PACS1: variants seen among roughly 807,000 people sequenced by gnomAD.
PACS1 encodes phosphofurin acidic cluster sorting protein 1, also known as PACS-1.
Under a neutral mutation model 115.0 loss-of-function variants are expected in PACS1, and 24 were observed. The ratio of observed to expected loss-of-function variants is 0.21; its 90% CI spans 0.15 to 0.29. The LOEUF is 0.29. Among genes scored for constraint, PACS1 ranks in the 10% least tolerant of loss-of-function variants. PACS1 has a pLI of 1.00. For synonymous variants in PACS1, 453 were observed against 504.5 expected, an observed-to-expected ratio of 0.90 and a Z score of 1.37; for missense variants, 838 against 1,251.2, an observed-to-expected ratio of 0.67 and a Z score of 4.98.
Position 66,242,899 on chromosome 11 carries a change from G to T in PACS1, c.2657-13G>T. The T allele has an allele frequency of 6.2e-7, 1 of 1,613,954 alleles. No homozygotes were observed. The highest frequency in any genetic ancestry group is 8.5e-7 in the Non-Finnish European group (1 of 1,179,914). ...CAGGGGCTGGGACACAGGTGGCCTT[G>T]CTTGCTTTCCAGTTCCCACCATCTT... is the stretch of plus-strand genomic sequence containing the variant. On this transcript the variant is annotated splice_polypyrimidine_tract_variant and intron_variant, in intron 22 of 23. Coordinates refer to ENST00000320580, the MANE Select transcript of PACS1 (RefSeq NM_018026.4).
intron 1 of PACS1, among the ~76,000 whole-genome samples, chr11:66,163,936 G>A (rs942790761): frequency 2.6e-5 from 4 of 152,252 alleles, no homozygotes; most frequent in African/African-American, 9.6e-5. Flanking sequence ...TTTAAAAAAT[G>A]TTAATTGTCT....
chr11:66,136,285 A>G (rs1168745578), intron 1 of PACS1, among the ~76,000 whole-genome samples: 1 of 150,170 alleles, frequency 6.7e-6, no homozygotes. Flanking sequence ...ACACACACAC[A>G]CGCCAAGAAT....
intron 1 of PACS1, among the ~76,000 whole-genome samples, chr11:66,134,643 G>A (rs1202549437): frequency 2.0e-5 from 3 of 152,034 alleles, no homozygotes; most frequent in Non-Finnish European, 4.4e-5. Context: ...CAAAGTGGGA[G>A]CAGCCTGTAC....
At chr11:66,163,123 T>G (rs1044805406) in intron 1 of PACS1, among the ~76,000 whole-genome samples, 7 of 152,152 alleles carry the variant, frequency 4.6e-5, no homozygotes, top group African/African-American at 1.7e-4. Flanking sequence ...CCGAGGTGGT[T>G]GGATCACTTG....
chr11:66,160,302 T>G (rs526200), intron 1 of PACS1, among the ~76,000 whole-genome samples: 38,663 of 152,094 alleles, frequency 0.25, 5,884 homozygotes, highest in South Asian at 0.46. Context: ...CACCTCAGTT[T>G]TCTCAAATAT....
In PACS1 at chr11:66,219,722, C is replaced by T. The variant is rs372086123; in HGVS notation, c.979-24C>T. On this transcript the variant is annotated intron_variant, in intron 7 of 23. Coordinates refer to ENST00000320580, the MANE Select transcript of PACS1 (RefSeq NM_018026.4). ...GACCCCAAGTGGACGTTGCTGAGAA[C>T]TGTCATGCGATTTGTCCCTACAGCA... 1.1e-5 allele frequency: 17 copies of T among 1,601,552 alleles called. No homozygotes were observed. In the African/African-American group the frequency reaches 1.9e-4, roughly 18 times the overall value.
At chr11:66,196,443 GTAGCTGCTT>G (rs1239582370) in intron 2 of PACS1, among the ~76,000 whole-genome samples, 1 of 152,190 alleles carries the variant, frequency 6.6e-6, no homozygotes, top group Non-Finnish European at 1.5e-5. Flanking sequence ...GTGAACCACA[GTAGCTGCTT>G]TTTTCATGAA....
In PACS1 at chr11:66,089,878, C is replaced by A. The variant is rs576139935; in HGVS notation, c.356+19036C>A. ...AAAATTAGCTGGGTGTGGTGGCGGG[C>A]ACCTGTAGTCCCAGCTACTCGAGAG... On this transcript the variant is annotated intron_variant, in intron 1 of 23. Transcript: ENST00000320580. 2.6e-5 allele frequency among the ~76,000 whole-genome samples: 4 copies of A among 151,956 alleles called. No homozygotes were observed. In the South Asian group the frequency reaches 8.3e-4, roughly 32 times the overall value.
chr11:66,083,384 TA>T (rs1857519721), intron 1 of PACS1, among the ~76,000 whole-genome samples: 1 of 152,194 alleles, frequency 6.6e-6, no homozygotes, highest in Admixed American at 6.5e-5. Flanking sequence ...TCTCTCCTTT[TA>T]AAAAAAGTAT....
intron 2 of PACS1, among the ~76,000 whole-genome samples, chr11:66,202,376 C>T (rs1854820680): frequency 6.6e-6 from 1 of 151,968 alleles, no homozygotes; most frequent in African/African-American, 2.4e-5. Context: ...TCCTCTGATA[C>T]CAAAACCAAA....
chr11:66,131,071 C>CA (rs886351676), intron 1 of PACS1, among the ~76,000 whole-genome samples: 154 of 150,046 alleles, frequency 1.0e-3, no homozygotes, highest in African/African-American at 3.2e-3. Flanking sequence ...GAGACTGTCT[C>CA]AAAAAAAAAG....
chr11:66,172,405 G>C (rs1859760802), intron 1 of PACS1, among the ~76,000 whole-genome samples: 1 of 152,112 alleles, frequency 6.6e-6, no homozygotes, highest in Non-Finnish European at 1.5e-5. Flanking sequence ...TTTTTGCCTT[G>C]CTCTTTCTTG....
intron 1 of PACS1, among the ~76,000 whole-genome samples, chr11:66,085,476 A>T (rs959331533): frequency 6.6e-6 from 1 of 152,240 alleles, no homozygotes; most frequent in African/African-American, 2.4e-5. Context: ...GATCAAATTT[A>T]TGATAGATAT....
intron 1 of PACS1, among the ~76,000 whole-genome samples, chr11:66,081,953 A>G (rs1009844031): frequency 1.3e-5 from 2 of 152,170 alleles, no homozygotes; most frequent in Non-Finnish European, 2.9e-5. Flanking sequence ...CTGATAATAC[A>G]TTTGTGGTCT....
At chr11:66,122,757 C>T (rs1001015666) in intron 1 of PACS1, among the ~76,000 whole-genome samples, 8 of 152,120 alleles carry the variant, frequency 5.3e-5, no homozygotes, top group African/African-American at 1.7e-4. Flanking sequence ...GCTGTAATCT[C>T]GAGATAAAAT....
chr11:66,089,456 A>G (rs1200182622), intron 1 of PACS1, among the ~76,000 whole-genome samples: 2 of 152,200 alleles, frequency 1.3e-5, no homozygotes, highest in African/African-American at 2.4e-5. Context: ...AAAAATTAGC[A>G]AACAGTTAAT....
In PACS1 at chr11:66,210,389, G is replaced by A. The variant is rs745939017; in HGVS notation, c.472G>A (p.Glu158Lys). 2 of 1,613,980 alleles carry A rather than the reference G, an allele frequency of 1.2e-6. No homozygotes were observed. Among genetic ancestry groups the A allele is most frequent in the Non-Finnish European group, 1.7e-6 (2 of 1,179,912 alleles). ...QGSKRILRSN[E>K]IVLPASGLVE... Reference sequence around the variant, plus strand: ...TTCAAAAAGAATTCTTCGCTCCAACGAGATCGTCCTTCCAGCTAGTGGACT... The same window carrying A: ...TTCAAAAAGAATTCTTCGCTCCAACAAGATCGTCCTTCCAGCTAGTGGACT... The change falls in exon 3 of 24, where the codon GAG becomes AAG. Residue 158 changes from glutamate to lysine, a missense_variant. Glu to Lys is a moderately conservative substitution (Grantham distance 56). Transcript: ENST00000320580.
chr11:66,230,370 G>A (rs887110946), intron 11 of PACS1, 178 bp from the exon 12 acceptor site: 13 of 603,526 alleles, frequency 2.2e-5, no homozygotes, highest in Non-Finnish European at 3.3e-5. Flanking sequence ...TCAGTCACCC[G>A]TGAACAGTGG....
At chr11:66,089,434 C>T (rs1413646363) in intron 1 of PACS1, among the ~76,000 whole-genome samples, 1 of 152,150 alleles carries the variant, frequency 6.6e-6, no homozygotes, top group Non-Finnish European at 1.5e-5. Flanking sequence ...ATTAATACAA[C>T]CTAGACTTTA....
Sources: gnomAD v4.1 joint callset for allele counts (sites outside exome capture counted in the v4.1 genomes callset) on GRCh38, gnomAD v4.1.1 for gene constraint, MANE v1.5 for transcripts, NCBI Gene and HGNC (gene_info 2026-07-23, HGNC 2026-07-21) for gene names.